The following ADAP1 variants were observed in gnomAD, a reference collection of about 807,000 sequenced individuals.
ADAP1 encodes the protein ArfGAP with dual PH domains 1.
Under a neutral mutation model 54.9 loss-of-function variants are expected in ADAP1, and 31 were observed. The observed-to-expected ratio is 0.56, with a 90% CI of 0.42 to 0.76. ADAP1 has a LOEUF of 0.76. Among genes scored for constraint, ADAP1 ranks in the 30% least tolerant of loss-of-function variants. The pLI, the probability that ADAP1 is intolerant of heterozygous loss-of-function variation, is 0.00. For missense variants in ADAP1, 535 were observed against 512.4 expected, an observed-to-expected ratio of 1.04 and a Z score of -0.42; for synonymous variants, 313 against 202.6, an observed-to-expected ratio of 1.55 and a Z score of -4.63.
intron 6 of ADAP1, 62 bp from the exon 7 acceptor site, chr7:900,678 A>G: frequency 7.5e-7 from 1 of 1,328,232 alleles, no homozygotes; most frequent in South Asian, 1.3e-5. Flanking sequence ...GTCCCCACAG[A>G]GGGGCTGGGG....
At chr7:935,196 G>A in intron 2 of ADAP1, 179 bp downstream of exon 2, 1 of 873,936 alleles carries the variant, frequency 1.1e-6, no homozygotes, top group Non-Finnish European at 1.9e-6. Context: ...GGGTGGAGCA[G>A]CCACACAGGC....
Position 904,287 on chromosome 7 carries a change from G to A in ADAP1, c.502-15C>T, listed in dbSNP as rs759884633. ...GGCTCCTTGGCCTGAGAAGGGGTGG[G>A]GTCTAAGCACCTCACAGGGGCCGTC... On this transcript the variant is annotated splice_polypyrimidine_tract_variant and intron_variant, in intron 5 of 10. Transcript: ENST00000265846. The A allele has an allele frequency of 4.5e-6, 7 of 1,564,558 alleles. No individual in the cohort carries two copies. Among genetic ancestry groups the A allele is most frequent in the Non-Finnish European group, 6.1e-6 (7 of 1,153,980 alleles).
chr7:927,948 G>A (rs1210957359), intron 2 of ADAP1, among the ~76,000 whole-genome samples: 1 of 151,926 alleles, frequency 6.6e-6, no homozygotes, highest in African/African-American at 2.4e-5. Flanking sequence ...GGGGACAGGG[G>A]CTCACATCTG....
chr7:935,009 A>G, intron 2 of ADAP1: 1 of 383,600 alleles, frequency 2.6e-6, no homozygotes, highest in Non-Finnish European at 5.2e-6. Context: ...GGGACGCTGC[A>G]TTCTGTTTCC....
chr7:900,390 G>A (rs949202086), intron 7 of ADAP1, 143 bp downstream of exon 7: 96 of 993,936 alleles, frequency 9.7e-5, no homozygotes, highest in Non-Finnish European at 1.0e-4. Flanking sequence ...GAGGGCTGCA[G>A]GCACGTCAGG....
intron 2 of ADAP1, among the ~76,000 whole-genome samples, chr7:933,818 C>G (rs1196526793): frequency 3.1e-4 from 10 of 32,666 alleles, no homozygotes; most frequent in Admixed American, 6.2e-4. Flanking sequence ...AGTGGTGGTG[C>G]AGAGCCGGGG....
rs750586545 is a variant in ADAP1, at chr7:919,996, G to A, written c.360C>T (p.Tyr120=). 3.1e-6 allele frequency: 5 copies of A among 1,607,522 alleles called. No homozygotes were observed. The African/African-American group carries it at 5.4e-5, about 17-fold the overall frequency. ...RAKYERQEFI[Y]PEKQEPYSAG... ...CCGAGTAGGGCTCCTGCTTCTCCGG[G>A]TAGATGAACTCCTGTCGCTCGTACT... Residue 120 remains tyrosine, a synonymous_variant, in exon 4 of 11, where the codon TAC becomes TAT. Coordinates refer to ENST00000265846, the MANE Select transcript of ADAP1 (RefSeq NM_006869.4).
At chr7:916,633 C>A (rs1322838837) in intron 4 of ADAP1, among the ~76,000 whole-genome samples, 1 of 152,150 alleles carries the variant, frequency 6.6e-6, no homozygotes, top group Admixed American at 6.5e-5. Context: ...CGTGTTCATC[C>A]CCTGACCGTT....
At chr7:903,127 C>A (rs1844904985) in intron 6 of ADAP1, among the ~76,000 whole-genome samples, 1 of 152,188 alleles carries the variant, frequency 6.6e-6, no homozygotes, top group Non-Finnish European at 1.5e-5. Flanking sequence ...CCTCCAGAGA[C>A]AACAGTCTGC....
intron 2 of ADAP1, among the ~76,000 whole-genome samples, chr7:932,216 C>T (rs756986773): frequency 2.6e-5 from 4 of 152,200 alleles, no homozygotes; most frequent in Admixed American, 2.0e-4. Flanking sequence ...CAGACCTCTG[C>T]GGCAGGAATC....
rs1844718459 is a variant in ADAP1 at position 900,183 on chromosome 7, G to A, written c.733-19C>T. 2.3e-5 allele frequency: 37 copies of A among 1,612,794 alleles called. No homozygotes were observed. The highest frequency in any genetic ancestry group is 2.9e-5 in the Non-Finnish European group (34 of 1,179,878). On this transcript the variant is annotated intron_variant, in intron 7 of 10. Coordinates refer to ENST00000265846, the MANE Select transcript of ADAP1 (RefSeq NM_006869.4). Reference sequence around the variant, plus strand: ...GCACCAGCTAGGGCAGGACACACCAGGCAGGGGACCTCAGAAGTGCAGCTC... The same window carrying A: ...GCACCAGCTAGGGCAGGACACACCAAGCAGGGGACCTCAGAAGTGCAGCTC...
chr7:939,196 C>T (rs1328825826), intron 1 of ADAP1, among the ~76,000 whole-genome samples: 1 of 152,146 alleles, frequency 6.6e-6, no homozygotes, highest in African/African-American at 2.4e-5. Flanking sequence ...GATGGAGACT[C>T]TACGGCCCTA....
rs145009151 is a variant in ADAP1 at position 899,865 on chromosome 7, C to T, written c.795+237G>A. Reference sequence around the variant, plus strand: ...GTGGGCCCCTGGCCGCGCAGGTGCACGGTCCCGTGGGTGAGGAAGCTGGTC... The same window carrying T: ...GTGGGCCCCTGGCCGCGCAGGTGCATGGTCCCGTGGGTGAGGAAGCTGGTC... On this transcript the variant is annotated intron_variant, in intron 8 of 10. Transcript: ENST00000265846. Among the ~76,000 whole-genome samples, 430 of 152,294 alleles carry T rather than the reference C, an allele frequency of 2.8e-3. 2 individuals are homozygous for T. Among genetic ancestry groups the T allele is most frequent in the African/African-American group, 9.5e-3 (397 of 41,572 alleles).
chr7:903,822 C>T (rs1420348629), intron 6 of ADAP1: 1 of 311,610 alleles, frequency 3.2e-6, no homozygotes, highest in East Asian at 7.9e-5. Flanking sequence ...TGGCAGCCCC[C>T]ACTGACAGGG....
intron 3 of ADAP1, among the ~76,000 whole-genome samples, chr7:925,052 C>T (rs529473916): frequency 5.9e-5 from 9 of 152,094 alleles, no homozygotes; most frequent in Non-Finnish European, 7.4e-5. Context: ...TCGCCAGCCT[C>T]GGCCTTCTCA....
At chr7:928,992 C>T (rs1177830763) in intron 2 of ADAP1, among the ~76,000 whole-genome samples, 3 of 152,176 alleles carry the variant, frequency 2.0e-5, no homozygotes, top group Admixed American at 6.5e-5. Context: ...GAGGGTTCCT[C>T]GGCCATAAAG....
chr7:925,644 G>C (rs748553235), intron 3 of ADAP1, among the ~76,000 whole-genome samples: 21 of 152,256 alleles, frequency 1.4e-4, no homozygotes, highest in Non-Finnish European at 2.8e-4. Context: ...TCCTGGGCAG[G>C]CAGAGCCCAG....
At chr7:901,905 G>A (rs897081881) in intron 6 of ADAP1, among the ~76,000 whole-genome samples, 2 of 152,048 alleles carry the variant, frequency 1.3e-5, no homozygotes, top group African/African-American at 4.8e-5. Flanking sequence ...AAATGCAGGG[G>A]GCTCTAAGCA....
In ADAP1 at chr7:920,815, C is replaced by T. The variant is rs750828669; in HGVS notation, c.306-765G>A. The stretch of plus-strand genomic sequence containing the variant: ...GAAGCCAATACCATTGCAGAAACCA[C>T]GACCCACACACAGGCCCGGCACGGC... On this transcript the variant is annotated intron_variant, in intron 3 of 10. Coordinates refer to ENST00000265846, the MANE Select transcript of ADAP1 (RefSeq NM_006869.4). This position sits in a 1 kb window ranked among gnomAD's most constrained non-coding sequence, Gnocchi z 4.5. 57 of 1,550,220 alleles carry T rather than the reference C, an allele frequency of 3.7e-5. No homozygotes were observed. The highest frequency in any genetic ancestry group is 1.7e-4 in the Middle Eastern group (1 of 5,988).
Sources: allele counts gnomAD v4.1 joint callset (sites outside exome capture counted in the v4.1 genomes callset), GRCh38; gene constraint gnomAD v4.1.1; non-coding constraint Gnocchi (gnomAD v3.1); transcripts MANE v1.5; gene names NCBI Gene and HGNC (gene_info 2026-07-23, HGNC 2026-07-21).